The following MAPK8IP3 variants were observed in gnomAD, a reference collection of about 807,000 sequenced individuals.
MAPK8IP3 encodes C-Jun-amino-terminal kinase-interacting protein 3.
In MAPK8IP3, 49 loss-of-function variants were observed where a neutral mutation model predicts 157.8. That is an observed-to-expected ratio of 0.31 (90% CI 0.25 to 0.39). The LOEUF is 0.39. Ranked by LOEUF, MAPK8IP3 falls within the 10% of genes least tolerant of loss-of-function variation. MAPK8IP3 has a pLI of 1.00. For synonymous variants in MAPK8IP3, 897 were observed against 777.7 expected (o/e 1.15, Z -2.55); for missense variants, 1,478 against 1,889.4 (o/e 0.78, Z 4.04).
At chr16:1,765,845 C>T in intron 20 of MAPK8IP3, 115 bp from the exon 21 acceptor site, 2 of 968,012 alleles carry the variant, frequency 2.1e-6, no homozygotes, top group Non-Finnish European at 3.1e-6. Flanking sequence ...GAAGCTGGGT[C>T]TGCTGGGAAA....
chr16:1,768,492 C>T lies in MAPK8IP3; in HGVS notation c.3758C>T (p.Thr1253Ile), dbSNP rs1567216173. ...GCCATCCCAGGGAACGTGCTGGCCA[C>T]CCTGAATGGGAGTGTGCTGGACAGC... ...FVSVPGNVLA[T>I]LNGSVLDSPA... The change falls in exon 31 of 32, where the codon ACC becomes ATC. Residue 1253 changes from threonine (T) to isoleucine (I), a missense_variant. Thr to Ile is a moderately conservative substitution (Grantham distance 89). This residue lies in a region of MAPK8IP3 where 133 missense variants were observed against 133.4 expected (regional missense o/e 1.00). Coordinates refer to ENST00000610761, the MANE Select transcript of MAPK8IP3 (RefSeq NM_001318852.2). 1.9e-6 allele frequency: 3 copies of T among 1,561,784 alleles called. No individual in the cohort carries two copies. The African/African-American group carries it at 4.1e-5, about 21-fold the overall frequency.
At position 1,761,395 on chromosome 16, in the gene MAPK8IP3, G is replaced by A. The variant is rs1269494626; in HGVS notation, c.1539+90G>A. The A allele has an allele frequency of 7.0e-6, 8 of 1,139,290 alleles. No individual in the cohort carries two copies. In the African/African-American group the frequency reaches 1.2e-4, roughly 18 times the overall value. 70.6% of individuals were successfully genotyped at this position (1,139,290 alleles called of 1,614,324 possible). A position where few individuals can be genotyped will look rare whatever the true frequency, so the allele number is the denominator to read the frequency against. On this transcript the variant is annotated intron_variant, in intron 13 of 31. Transcript: ENST00000610761. ...CCACCGTTCACCATTCACACACAGG[G>A]TGACCACCATTCACCATTCACAGGC... is the stretch of plus-strand genomic sequence containing the variant.
At position 1,766,770 on chromosome 16, in the gene MAPK8IP3, C is replaced by G; in HGVS notation, c.2987C>G (p.Ser996Cys). 2 of 1,612,874 alleles carry G rather than the reference C, an allele frequency of 1.2e-6. No individual in the cohort carries two copies. The highest frequency in any genetic ancestry group is 1.7e-6 in the Non-Finnish European group (2 of 1,179,940). The change falls in exon 24 of 32, where the codon TCC becomes TGC. Residue 996 changes from serine to cysteine, a missense_variant. Physicochemically the swap from Ser to Cys is moderately radical, Grantham distance 112. Coordinates refer to ENST00000610761, the MANE Select transcript of MAPK8IP3 (RefSeq NM_001318852.2). ...AVANWKKCLH[S>C]IKLKDSVLSL... The stretch of plus-strand genomic sequence containing the variant: ...GCCAACTGGAAGAAGTGCCTGCACT[C>G]CATCAAGCTGAAGGATTCTGTGCTG...
At chr16:1,740,240 CTGTG>C (rs1348302505) in intron 4 of MAPK8IP3, among the ~76,000 whole-genome samples, 4 of 132,930 alleles carry the variant, frequency 3.0e-5, no homozygotes, top group African/African-American at 1.1e-4. Context: ...GTGTGAGCAT[CTGTG>C]TGACCGTTCG....
In MAPK8IP3 at chr16:1,739,735, TGTGTGTGACCGTCC is replaced by T. The variant is rs1452648711; in HGVS notation, c.603-3582_603-3569del. Among the ~76,000 whole-genome samples, 6 of 113,190 alleles carry T rather than the reference TGTGTGTGACCGTCC, an allele frequency of 5.3e-5. No individual in the cohort carries two copies. The East Asian group carries it at 9.5e-4, about 18-fold the overall frequency. 74.3% of individuals were successfully genotyped at this position (113,190 alleles called of 152,430 possible). A position where few individuals can be genotyped will look rare whatever the true frequency, so the allele number is the denominator to read the frequency against. ...CCGTGTGAGCATCTGTGTGACCGTG[TGTGTGTGACCGTCC>T]GTGTGTGACCGTCCATGTGAGCGTG... On this transcript the variant is annotated intron_variant, in intron 4 of 31. Transcript: ENST00000610761.
chr16:1,747,737 C>T (rs1331168298), intron 6 of MAPK8IP3, among the ~76,000 whole-genome samples: 3 of 151,810 alleles, frequency 2.0e-5, no homozygotes, highest in African/African-American at 4.8e-5. Flanking sequence ...CATCGCCCCA[C>T]GGCACACAGC....
intron 5 of MAPK8IP3, chr16:1,745,292 C>A: frequency 1.8e-6 from 1 of 559,446 alleles, no homozygotes; most frequent in Non-Finnish European, 2.3e-6. Context: ...CTACACCCTG[C>A]CTGGCCACAT....
At chr16:1,736,650 C>T (rs1447059565) in intron 4 of MAPK8IP3, among the ~76,000 whole-genome samples, 1 of 57,816 alleles carries the variant, frequency 1.7e-5, no homozygotes, top group Non-Finnish European at 3.2e-5. Context: ...GTGTGACCGT[C>T]CGTGTGAGCG....
At chr16:1,744,202 A>G in intron 5 of MAPK8IP3, 1 of 985,468 alleles carries the variant, frequency 1.0e-6, no homozygotes, top group Non-Finnish European at 1.2e-6. Flanking sequence ...AAGGACAGCC[A>G]CCTTCCTGGG....
In MAPK8IP3 at chr16:1,747,150, A is replaced by G; in HGVS notation, c.869A>G (p.Asn290Ser). ...SVPSAAVTPL[N>S]ESLQPLGDYG... ...CCCTCGGCCGCCGTCACACCCCTCA[A>G]CGAGAGCCTGCAGCCCCTGGGGGAC... The change falls in exon 6 of 32, where the codon AAC (asparagine) becomes AGC (serine). Residue 290 changes from asparagine (N) to serine (S), a missense_variant. By Grantham distance (46) the Asn-to-Ser change is conservative. Transcript: ENST00000610761. 1 of 1,613,922 alleles carries G rather than the reference A, an allele frequency of 6.2e-7. No individual in the cohort carries two copies. The highest frequency in any genetic ancestry group is 8.5e-7 in the Non-Finnish European group (1 of 1,179,974).
chr16:1,741,567 G>A lies in MAPK8IP3; in HGVS notation c.603-1765G>A, dbSNP rs553875314. ...TAGGGACTGAGACGTGTCTGATGGCGTCAGAACTGGGCCTCAGCAGAGGCG... is the reference window on the plus strand; with the variant it reads ...TAGGGACTGAGACGTGTCTGATGGCATCAGAACTGGGCCTCAGCAGAGGCG... On this transcript the variant is annotated intron_variant, in intron 4 of 31. Transcript: ENST00000610761. The surrounding 1 kb of genome is among the most constrained non-coding windows in gnomAD (Gnocchi z 6.9). Among the ~76,000 whole-genome samples, 5 of 152,266 alleles carry A rather than the reference G, an allele frequency of 3.3e-5. No homozygotes were observed. Among genetic ancestry groups the A allele is most frequent in the East Asian group, 1.9e-4 (1 of 5,178 alleles).
chr16:1,706,335 C>T lies in MAPK8IP3; in HGVS notation c.-5C>T. On this transcript the variant is annotated 5_prime_UTR_variant, in exon 1 of 32. Coordinates refer to ENST00000610761, the MANE Select transcript of MAPK8IP3 (RefSeq NM_001318852.2). The surrounding 1 kb of genome is among the most constrained non-coding windows in gnomAD (Gnocchi z 5.1). ...CGAGCCGCGCTGGCGGCGGCGGTGG[C>T]CGCGATGATGGAGATCCAGATGGAC... 6.4e-7 allele frequency: 1 copy of T among 1,553,170 alleles called. No homozygotes were observed.
chr16:1,718,681 C>G (rs2142306623), intron 1 of MAPK8IP3, among the ~76,000 whole-genome samples: 1 of 151,686 alleles, frequency 6.6e-6, no homozygotes, highest in African/African-American at 2.4e-5. Context: ...GTAATCCCAG[C>G]TAGTCAGAGG....
rs542349856 is a variant in MAPK8IP3, at chr16:1,739,106, G to A, written c.603-4226G>A. Among the ~76,000 whole-genome samples the A allele has an allele frequency of 2.4e-4, 32 of 136,070 alleles. No individual in the cohort carries two copies. In the South Asian group the frequency reaches 4.2e-3, roughly 18 times the overall value. The allele number at this position is 136,070 out of a possible 152,430, so 89.3% of individuals were successfully genotyped here. ...CATCCATGTGAGCATCTGTGTGACC[G>A]TCTGTGTGAGCATCCGTGTGAGCGT... On this transcript the variant is annotated intron_variant, in intron 4 of 31. Transcript: ENST00000610761.
At chr16:1,709,547 C>G (rs1045451325) in intron 1 of MAPK8IP3, among the ~76,000 whole-genome samples, 1 of 152,280 alleles carries the variant, frequency 6.6e-6, no homozygotes, top group Admixed American at 6.5e-5. Flanking sequence ...AGGCACCGGA[C>G]ATTGCTAGCC....
Position 1,766,972 on chromosome 16 carries a change from GT to G in MAPK8IP3, c.3088+2del. 2 of 1,585,402 alleles carry G rather than the reference GT, an allele frequency of 1.3e-6. No individual in the cohort carries two copies. Among genetic ancestry groups the G allele is most frequent in the Non-Finnish European group, 1.7e-6 (2 of 1,163,366 alleles). On this transcript the variant is annotated splice_donor_variant, in intron 25 of 31. Transcript: ENST00000610761. LOFTEE classifies it high-confidence loss of function. ...CTGGCCATCTTCCACCGTGGTGAAG[GT>G]GGGGCCTGGCAGCACGGGGTGTGTG...
intron 4 of MAPK8IP3, among the ~76,000 whole-genome samples, chr16:1,735,943 T>G (rs1010780911): frequency 1.5e-5 from 2 of 134,572 alleles, no homozygotes; most frequent in Non-Finnish European, 3.1e-5. Flanking sequence ...TGACCGTCTG[T>G]GTGAGTGTGA....
intron 1 of MAPK8IP3, among the ~76,000 whole-genome samples, chr16:1,709,640 A>G (rs2037634678): frequency 6.6e-6 from 1 of 152,240 alleles, no homozygotes; most frequent in South Asian, 2.1e-4. Flanking sequence ...CCAGTGGAAA[A>G]GAAGAAGGTG....
intron 19 of MAPK8IP3, among the ~76,000 whole-genome samples, 190 bp from the exon 20 acceptor site, chr16:1,764,823 A>T (rs1466797664): frequency 3.9e-5 from 6 of 152,060 alleles, no homozygotes; most frequent in Non-Finnish European, 7.4e-5. Context: ...TGGAGGCGAA[A>T]CCGTGTCTGT....
Sources: allele counts gnomAD v4.1 joint callset (sites outside exome capture counted in the v4.1 genomes callset), GRCh38; gene constraint gnomAD v4.1.1; regional missense constraint gnomAD v4.1.1; non-coding constraint Gnocchi (gnomAD v3.1); transcripts MANE v1.5; gene names NCBI Gene and HGNC (gene_info 2026-07-23, HGNC 2026-07-21).